Variants in PER2 observed in about 807,000 individuals in gnomAD.
The protein encoded by PER2 is period circadian regulator 2, also known as period circadian protein homolog 2.
In PER2, 66 loss-of-function variants were observed where a neutral mutation model predicts 121.0. The ratio of observed to expected loss-of-function variants is 0.55; its 90% CI spans 0.45 to 0.67. The LOEUF (loss-of-function observed/expected upper bound fraction) is 0.67, where lower values mean the gene tolerates loss of function less well. Ranked by LOEUF, PER2 falls within the 30% of genes least tolerant of loss-of-function variation. PER2 has a pLI of 0.00. For missense variants in PER2, 1,521 were observed against 1,635.0 expected (o/e 0.93, Z 1.20); for synonymous variants, 684 against 659.9 (o/e 1.04, Z -0.56).
chr2:238,278,468 T>C (rs1447637602), intron 1 of PER2, among the ~76,000 whole-genome samples: 2 of 152,176 alleles, frequency 1.3e-5, no homozygotes, highest in East Asian at 1.9e-4. Flanking sequence ...ATTAGGAAGA[T>C]GGTTGAATGA....
At position 238,245,235 on chromosome 2, in the gene PER2, G is replaced by A. The variant is rs749879928; in HGVS notation, c.*1140C>T. 1.5e-4 allele frequency: 38 copies of A among 250,056 alleles called. No individual in the cohort carries two copies. Among genetic ancestry groups the A allele is most frequent in the Non-Finnish European group, 2.5e-4 (33 of 132,038 alleles). The allele number at this position is 250,056 out of a possible 1,614,324, so 15.5% of individuals were successfully genotyped here. ...GTTTTGTAAAAAGCCGGGCAGACTGGCCTCACTTTTCCCCAAGTGTCCAAA... is the reference window on the plus strand; with the variant it reads ...GTTTTGTAAAAAGCCGGGCAGACTGACCTCACTTTTCCCCAAGTGTCCAAA... On this transcript the variant is annotated 3_prime_UTR_variant, in exon 23 of 23. Transcript: ENST00000254657.
Position 238,269,165 on chromosome 2 carries a change from C to T in PER2, c.773-191G>A, listed in dbSNP as rs183635234. Reference sequence around the variant, plus strand: ...ACATTTTTGACTAAAATTACATAGACTTCATGAGTGTGGTGCATTACAAAT... The same window carrying T: ...ACATTTTTGACTAAAATTACATAGATTTCATGAGTGTGGTGCATTACAAAT... On this transcript the variant is annotated intron_variant, in intron 6 of 22. Transcript: ENST00000254657. 3.2e-3 allele frequency among the ~76,000 whole-genome samples: 489 copies of T among 152,340 alleles called. 3 individuals carry two copies. The highest frequency in any genetic ancestry group is 0.011 in the African/African-American group (468 of 41,576).
At position 238,245,951 on chromosome 2, in the gene PER2, G is replaced by A; in HGVS notation, c.*424C>T. 1 of 271,754 alleles carries A rather than the reference G, an allele frequency of 3.7e-6. No individual in the cohort carries two copies. The highest frequency in any genetic ancestry group is 6.8e-6 in the Non-Finnish European group (1 of 147,086). 16.8% of individuals were successfully genotyped at this position (271,754 alleles called of 1,614,324 possible). A position where few individuals can be genotyped will look rare whatever the true frequency, so the allele number is the denominator to read the frequency against. ...TTCAGATAAAAAGCAGTCCCCAAGA[G>A]AGGACAAAATTTGATCTGATCCAAA... is the stretch of plus-strand genomic sequence containing the variant. On this transcript the variant is annotated 3_prime_UTR_variant, in exon 23 of 23. Transcript: ENST00000254657.
chr2:238,266,117 A>G (rs542720968), intron 8 of PER2, among the ~76,000 whole-genome samples: 18 of 152,098 alleles, frequency 1.2e-4, no homozygotes, highest in Admixed American at 3.9e-4. Flanking sequence ...GTTGGCCAGG[A>G]TGGTCTCGAT....
At position 238,246,515 on chromosome 2, in the gene PER2, A is replaced by G; in HGVS notation, c.3628T>C (p.Tyr1210His). ...TTACCTTTTTCCTTGTTTTCACAGT[A>G]AACACATTCCTTAAAAGAAAAAAAA... ...PAAIDVAECVYCENKEKGNIC... is the reference protein window; with the variant it reads ...PAAIDVAECVHCENKEKGNIC... The change falls in exon 23 of 23, where the codon TAC becomes CAC. Residue 1210 changes from tyrosine (Y) to histidine (H), a missense_variant. Coordinates refer to ENST00000254657, the MANE Select transcript of PER2 (RefSeq NM_022817.3). 6.4e-7 allele frequency: 1 copy of G among 1,563,594 alleles called. No individual in the cohort carries two copies. The highest frequency in any genetic ancestry group is 1.3e-5 in the African/African-American group (1 of 74,154).
chr2:238,253,636 T>A lies in PER2; in HGVS notation c.2387A>T (p.Lys796Ile). 1 of 1,609,368 alleles carries A rather than the reference T, an allele frequency of 6.2e-7. No individual in the cohort carries two copies. Among genetic ancestry groups the A allele is most frequent in the Non-Finnish European group, 8.5e-7 (1 of 1,177,632 alleles). ...AGGTTTGACCCGCTTGGACTTCAATTTTCTGTTCTTTCCTGTTTTTTTCCA... is the reference window on the plus strand; with the variant it reads ...AGGTTTGACCCGCTTGGACTTCAATATTCTGTTCTTTCCTGTTTTTTTCCA... ...SPWKKTGKNR[K>I]LKSKRVKPRD... Residue 796 changes from lysine (K) to isoleucine (I), a missense_variant, in exon 19 of 23, where the codon AAA (lysine) becomes ATA (isoleucine). Lys to Ile is a moderately radical substitution (Grantham distance 102). Coordinates refer to ENST00000254657, the MANE Select transcript of PER2 (RefSeq NM_022817.3). The surrounding 1 kb of genome is among the most constrained non-coding windows in gnomAD (Gnocchi z 5.6).
At chr2:238,278,536 A>G (rs965933688) in intron 1 of PER2, among the ~76,000 whole-genome samples, 3 of 152,232 alleles carry the variant, frequency 2.0e-5, no homozygotes, top group Non-Finnish European at 4.4e-5. Flanking sequence ...AGACAAGAGC[A>G]CTGATAATCA....
chr2:238,251,537 C>A, intron 20 of PER2, 62 bp downstream of exon 20: 1 of 1,481,484 alleles, frequency 6.7e-7, no homozygotes, highest in South Asian at 1.1e-5. Flanking sequence ...GCCTGTGACT[C>A]TGGAGCAGTG....
At chr2:238,298,977 C>G in the PER2 span, 1 of 152,292 alleles carries the variant, frequency 6.6e-6, no homozygotes. Flanking sequence ...GGAGAAATCA[C>G]TGTTGCAAAT....
chr2:238,285,457 T>C (rs988147515), intron 1 of PER2, among the ~76,000 whole-genome samples: 4 of 152,152 alleles, frequency 2.6e-5, no homozygotes, highest in African/African-American at 9.7e-5. Context: ...CATAATAGTG[T>C]TTAAAAATTA....
intron 1 of PER2, among the ~76,000 whole-genome samples, chr2:238,281,022 T>A (rs571510023): frequency 6.9e-6 from 1 of 145,102 alleles, no homozygotes; most frequent in Non-Finnish European, 1.5e-5. Context: ...TTTTTTTTTT[T>A]GAGAGGGAGT....
At chr2:238,271,604 A>C (rs748913223) in intron 5 of PER2, 91 bp from the exon 6 acceptor site, 1 of 965,176 alleles carries the variant, frequency 1.0e-6, no homozygotes, top group Non-Finnish European at 1.6e-6. Context: ...GGAGCCGCCC[A>C]CCAGGAGCGT....
At chr2:238,258,194 A>G in intron 16 of PER2, 82 bp downstream of exon 16, 1 of 1,468,568 alleles carries the variant, frequency 6.8e-7, no homozygotes, top group South Asian at 1.1e-5. Context: ...CACTGTGTCC[A>G]CAGAAGCCAT....
chr2:238,277,635 C>G, intron 2 of PER2, 72 bp downstream of exon 2: 7 of 1,539,244 alleles, frequency 4.5e-6, no homozygotes, highest in East Asian at 2.3e-5. Flanking sequence ...CAAAAGCAAT[C>G]AAATCACAGC....
At chr2:238,259,251 C>A (rs572289372) in intron 14 of PER2, among the ~76,000 whole-genome samples, 1 of 152,336 alleles carries the variant, frequency 6.6e-6, no homozygotes, top group South Asian at 2.1e-4. Context: ...CAGAGTGTTC[C>A]CCACGGGAGG....
chr2:238,254,851 C>T (rs1384253356), intron 18 of PER2: 3 of 152,012 alleles, frequency 2.0e-5, no homozygotes, highest in Admixed American at 1.3e-4. Flanking sequence ...AGACATAATC[C>T]TCAAGGAAGC....
rs150770941 is a variant in PER2, at chr2:238,286,700, T to C, written c.-20+1649A>G. On this transcript the variant is annotated intron_variant, in intron 1 of 22. Transcript: ENST00000254657. ...TAAAAGCACACCCAGAGCCTGTCTT[T>C]CTTCTGACTAAACGCCAAGTGGCCC... Among the ~76,000 whole-genome samples, 368 of 152,288 alleles carry C rather than the reference T, an allele frequency of 2.4e-3. 2 individuals carry two copies. Among genetic ancestry groups the C allele is most frequent in the African/African-American group, 8.5e-3 (353 of 41,556 alleles).
At chr2:238,280,234 A>G in intron 1 of PER2, among the ~76,000 whole-genome samples, 1 of 152,228 alleles carries the variant, frequency 6.6e-6, no homozygotes, top group East Asian at 1.9e-4. Flanking sequence ...AGCCTTCAGC[A>G]TCCCCTTCCC....
chr2:238,261,425 T>C, intron 12 of PER2: 1 of 466,838 alleles, frequency 2.1e-6, no homozygotes, highest in Non-Finnish European at 4.0e-6. Context: ...CCCGCACCAC[T>C]GAGAGGTCAC....
Sources: gnomAD v4.1 joint callset for allele counts (sites outside exome capture counted in the v4.1 genomes callset) on GRCh38, gnomAD v4.1.1 for gene constraint, Gnocchi (gnomAD v3.1) non-coding constraint, MANE v1.5 for transcripts, NCBI Gene and HGNC (gene_info 2026-07-23, HGNC 2026-07-21) for gene names.